SOHLH2: variants seen among roughly 807,000 people sequenced by gnomAD.
SOHLH2 encodes spermatogenesis and oogenesis specific basic helix-loop-helix 2, also known as spermatogenesis- and oogenesis-specific basic helix-loop-helix-containing protein 2.
A neutral mutation model predicts 50.4 loss-of-function variants in SOHLH2; 22 were observed. The ratio of observed to expected loss-of-function variants is 0.44; its 90% CI spans 0.31 to 0.62. SOHLH2 has a LOEUF of 0.62. SOHLH2 is among the 20% of genes least tolerant of loss of function. The pLI is 0.08. For synonymous variants in SOHLH2, 185 were observed against 187.3 expected (o/e 0.99, Z 0.10); for missense variants, 412 against 504.4 (o/e 0.82, Z 1.76).
chr13:36,168,744 T>C lies in SOHLH2; in HGVS notation c.*290A>G, dbSNP rs1874901681. The stretch of plus-strand genomic sequence containing the variant: ...TTTTTTCATAAATTGTGGAATATTT[T>C]TTGAGAAAAGAGAGTGTAGGTCACT... On this transcript the variant is annotated 3_prime_UTR_variant, in exon 11 of 11. Coordinates refer to ENST00000379881, the MANE Select transcript of SOHLH2 (RefSeq NM_017826.3). The C allele has an allele frequency of 2.4e-6, 1 of 414,168 alleles. No homozygotes were observed. Among genetic ancestry groups the C allele is most frequent in the African/African-American group, 2.0e-5 (1 of 48,790 alleles). The allele number at this position is 414,168 out of a possible 1,614,324, so 25.7% of individuals were successfully genotyped here.
At chr13:36,207,506 T>C (rs1198676437) in intron 1 of SOHLH2, among the ~76,000 whole-genome samples, 1 of 152,190 alleles carries the variant, frequency 6.6e-6, no homozygotes, top group Non-Finnish European at 1.5e-5. Flanking sequence ...CTGACTCAGC[T>C]TCCCCAAATA....
At chr13:36,195,333 C>G (rs577762737) in intron 2 of SOHLH2, among the ~76,000 whole-genome samples, 3 of 152,222 alleles carry the variant, frequency 2.0e-5, no homozygotes, top group African/African-American at 7.2e-5. Flanking sequence ...GCAAAAGGCA[C>G]AGCATATGCA....
intron 2 of SOHLH2, 34 bp downstream of exon 2, chr13:36,201,845 C>T: frequency 1.2e-6 from 2 of 1,607,048 alleles, no homozygotes; most frequent in Non-Finnish European, 1.7e-6. Flanking sequence ...AAAAATGATT[C>T]TAAAGATACA....
rs764255518 is a variant in SOHLH2 at position 36,170,737 on chromosome 13, G to C, written c.1051C>G (p.His351Asp). Reference sequence around the variant, plus strand: ...AGAGACAGCGCTGCACTGGAAATGTGAGTTTTATATGGATCACCAATAGCA... The same window carrying C: ...AGAGACAGCGCTGCACTGGAAATGTCAGTTTTATATGGATCACCAATAGCA... ...ENAIGDPYKT[H>D]ISSAALSLNS... The change falls in exon 10 of 11, where the codon CAC becomes GAC. Residue 351 changes from histidine to aspartate, a missense_variant. By Grantham distance (81) the His-to-Asp change is moderately conservative. Coordinates refer to ENST00000379881, the MANE Select transcript of SOHLH2 (RefSeq NM_017826.3). 1.7e-5 allele frequency: 27 copies of C among 1,614,092 alleles called. No individual in the cohort carries two copies. Among genetic ancestry groups the C allele is most frequent in the Non-Finnish European group, 2.0e-5 (24 of 1,180,046 alleles).
chr13:36,207,232 A>T (rs1868832040), intron 1 of SOHLH2, among the ~76,000 whole-genome samples: 1 of 152,100 alleles, frequency 6.6e-6, no homozygotes, highest in Admixed American at 6.6e-5. Flanking sequence ...AATATCAATT[A>T]ATTGTGAACA....
intron 4 of SOHLH2, among the ~76,000 whole-genome samples, chr13:36,192,686 A>G (rs1361507261): frequency 2.0e-5 from 3 of 152,214 alleles, no homozygotes; most frequent in Admixed American, 1.3e-4. Context: ...AAGGTGTACA[A>G]CTTGAGTTGA....
At chr13:36,179,141 T>C (rs1173323319) in intron 6 of SOHLH2, among the ~76,000 whole-genome samples, 1 of 152,184 alleles carries the variant, frequency 6.6e-6, no homozygotes, top group East Asian at 1.9e-4. Flanking sequence ...ATTTATTTGA[T>C]AATGAACAGA....
chr13:36,193,263 G>T (rs1045403635), intron 4 of SOHLH2, among the ~76,000 whole-genome samples: 1 of 152,160 alleles, frequency 6.6e-6, no homozygotes, highest in East Asian at 1.9e-4. Context: ...AAAGAAGAAA[G>T]CACAATACAA....
chr13:36,190,077 C>T (rs1416960794), intron 5 of SOHLH2, 21 bp from the exon 6 acceptor site: 4 of 1,584,296 alleles, frequency 2.5e-6, no homozygotes, highest in Admixed American at 3.6e-5. Context: ...GAGAAAATCA[C>T]ACCATACATT....
At chr13:36,177,453 G>A (rs1887123867) in intron 6 of SOHLH2, among the ~76,000 whole-genome samples, 1 of 151,782 alleles carries the variant, frequency 6.6e-6, no homozygotes, top group African/African-American at 2.4e-5. Flanking sequence ...AGAAATGATG[G>A]GCCATTTTAT....
intron 5 of SOHLH2, 77 bp from the exon 6 acceptor site, chr13:36,190,133 A>G: frequency 2.3e-6 from 3 of 1,331,492 alleles, no homozygotes; most frequent in Admixed American, 4.7e-5. Context: ...GCACCAATAC[A>G]CTAAACAAAG....
intron 6 of SOHLH2, among the ~76,000 whole-genome samples, chr13:36,177,355 T>G (rs2138273191): frequency 6.6e-6 from 1 of 152,234 alleles, no homozygotes; most frequent in African/African-American, 2.4e-5. Flanking sequence ...TTACCAGTTT[T>G]GGGTTATTAC....
At position 36,201,832 on chromosome 13, in the gene SOHLH2, T is replaced by TA. The variant is rs763365237; in HGVS notation, c.263+46dup. On this transcript the variant is annotated intron_variant, in intron 2 of 10. Coordinates refer to ENST00000379881, the MANE Select transcript of SOHLH2 (RefSeq NM_017826.3). ...TAGGAGTTTTTAAAAAATGGGTTTT[T>TA]AAAAAAATGATTCTAAAGATACAGC... The TA allele has an allele frequency of 4.4e-6, 7 of 1,593,800 alleles. No individual in the cohort carries two copies. In the South Asian group the frequency reaches 5.7e-5, roughly 13 times the overall value.
intron 1 of SOHLH2, among the ~76,000 whole-genome samples, chr13:36,210,458 CAG>C (rs1415200877): frequency 4.0e-5 from 6 of 151,356 alleles, no homozygotes; most frequent in Non-Finnish European, 8.8e-5. Flanking sequence ...TTTTAACGTT[CAG>C]AGAGAAGTTG....
intron 6 of SOHLH2, among the ~76,000 whole-genome samples, chr13:36,187,445 C>A (rs1887452679): frequency 6.6e-6 from 1 of 152,166 alleles, no homozygotes. Flanking sequence ...ACTCAGTGCA[C>A]TGTATTTTTC....
Position 36,168,263 on chromosome 13 carries a change from A to G in SOHLH2, c.*771T>C, listed in dbSNP as rs1325533332. 6.6e-6 allele frequency: 1 copy of G among 152,262 alleles called. No individual in the cohort carries two copies. The highest frequency in any genetic ancestry group is 2.4e-5 in the African/African-American group (1 of 41,460). The allele number at this position is 152,262 out of a possible 1,614,324, so 9.4% of individuals were successfully genotyped here. ...TTATTTAATAATAAAACTTACATATAAGAACAATTCAGTGAAATATAAAAC... is the reference window on the plus strand; with the variant it reads ...TTATTTAATAATAAAACTTACATATGAGAACAATTCAGTGAAATATAAAAC... On this transcript the variant is annotated 3_prime_UTR_variant, in exon 11 of 11. Transcript: ENST00000379881.
chr13:36,199,907 G>A (rs1887847695), intron 2 of SOHLH2, among the ~76,000 whole-genome samples: 1 of 152,214 alleles, frequency 6.6e-6, no homozygotes, highest in Non-Finnish European at 1.5e-5. Context: ...ATATTGAATT[G>A]TCTGGGGCTC....
At chr13:36,169,918 A>C (rs1431914569) in intron 10 of SOHLH2, among the ~76,000 whole-genome samples, 1 of 152,150 alleles carries the variant, frequency 6.6e-6, no homozygotes, top group Non-Finnish European at 1.5e-5. Flanking sequence ...CTTCAACCAT[A>C]TTGTAATTTC....
At chr13:36,199,969 C>G (rs1156326578) in intron 2 of SOHLH2, among the ~76,000 whole-genome samples, 1 of 152,072 alleles carries the variant, frequency 6.6e-6, no homozygotes, top group Non-Finnish European at 1.5e-5. Context: ...ACATACTGAA[C>G]CTCACAGGTG....
Sources: gnomAD v4.1 joint callset for allele counts (sites outside exome capture counted in the v4.1 genomes callset) on GRCh38, gnomAD v4.1.1 for gene constraint, MANE v1.5 for transcripts, NCBI Gene and HGNC (gene_info 2026-07-23, HGNC 2026-07-21) for gene names.